MOB1B: variants seen among roughly 807,000 people sequenced by gnomAD.
MOB1B encodes the protein MOB kinase activator 1B.
MOB1B carries 19 observed loss-of-function variants against 24.4 expected under a neutral mutation model. The ratio of observed to expected loss-of-function variants is 0.78; its 90% CI spans 0.54 to 1.14. The LOEUF is 1.14. Among genes scored for constraint, MOB1B ranks in the 50% most tolerant of loss-of-function variants. The pLI is 0.00. For synonymous variants in MOB1B, 76 were observed against 82.1 expected (o/e 0.93, Z 0.40); for missense variants, 243 against 259.6 (o/e 0.94, Z 0.44).
chr4:70,904,172 G>T (rs1735645359), intron 1 of MOB1B, among the ~76,000 whole-genome samples: 1 of 150,734 alleles, frequency 6.6e-6, no homozygotes. Flanking sequence ...TAATAGAGAT[G>T]GGGGTTTCAC....
chr4:70,907,391 T>A (rs1578339353), intron 1 of MOB1B, among the ~76,000 whole-genome samples: 2 of 152,288 alleles, frequency 1.3e-5, no homozygotes, highest in Non-Finnish European at 2.9e-5. Flanking sequence ...CTAGCATTTT[T>A]AAATTATGGG....
At position 70,988,155 on chromosome 4, in the gene MOB1B, C is replaced by T. The variant is rs553963447; in HGVS notation, c.*6098C>T. On this transcript the variant is annotated 3_prime_UTR_variant, in exon 6 of 6. Coordinates refer to ENST00000309395, the MANE Select transcript of MOB1B (RefSeq NM_173468.4). Reference sequence around the variant, plus strand: ...TAAGAAAAAAATGAATAAATAGTTACGTTTGGCCATGAATCCTGACTTTGC... The same window carrying T: ...TAAGAAAAAAATGAATAAATAGTTATGTTTGGCCATGAATCCTGACTTTGC... 3 of 151,356 alleles carry T rather than the reference C, an allele frequency of 2.0e-5. No homozygotes were observed. Among genetic ancestry groups the T allele is most frequent in the South Asian group, 2.1e-4 (1 of 4,802 alleles). The allele number at this position is 151,356 out of a possible 1,614,324, so 9.4% of individuals were successfully genotyped here.
intron 2 of MOB1B, among the ~76,000 whole-genome samples, chr4:70,961,930 A>G (rs1355164639): frequency 6.6e-6 from 1 of 152,208 alleles, no homozygotes; most frequent in Non-Finnish European, 1.5e-5. Flanking sequence ...AATAATCCTG[A>G]AGAATATAAG....
chr4:70,950,878 T>A, intron 1 of MOB1B: 2 of 880,830 alleles, frequency 2.3e-6, no homozygotes, highest in Non-Finnish European at 3.6e-6. Flanking sequence ...GTTTCAGTAG[T>A]AAGGTAGGTA....
intron 3 of MOB1B, among the ~76,000 whole-genome samples, chr4:70,973,260 T>C (rs1279082276): frequency 6.6e-6 from 1 of 152,056 alleles, no homozygotes; most frequent in Non-Finnish European, 1.5e-5. Flanking sequence ...AGGTTAAAAA[T>C]GTTAAGATTT....
In MOB1B at chr4:70,950,550, G is replaced by C. The variant is rs1737760859; in HGVS notation, c.15-8324G>C. The stretch of plus-strand genomic sequence containing the variant: ...AGTATGTAAGTACTTTAAATCCTTA[G>C]ATTTGTCATCCATAAAATAAAGAAA... On this transcript the variant is annotated intron_variant, in intron 1 of 5. Transcript: ENST00000309395. 3.5e-5 allele frequency: 13 copies of C among 366,484 alleles called. No homozygotes were observed. The South Asian group carries it at 5.1e-4, about 14-fold the overall frequency. 22.7% of individuals were successfully genotyped at this position (366,484 alleles called of 1,614,324 possible).
At chr4:70,958,099 T>G (rs555514004) in intron 1 of MOB1B, among the ~76,000 whole-genome samples, 16 of 152,104 alleles carry the variant, frequency 1.1e-4, no homozygotes, top group Admixed American at 2.0e-4. Flanking sequence ...TAACCAGAAT[T>G]CTGGACTAAA....
At chr4:70,954,560 A>G (rs552944649) in intron 1 of MOB1B, among the ~76,000 whole-genome samples, 1 of 147,638 alleles carries the variant, frequency 6.8e-6, no homozygotes, top group Non-Finnish European at 1.5e-5. Context: ...GGTTCAAGCA[A>G]TTCTCCTGCC....
At chr4:70,966,052 A>T (rs1047612018) in intron 2 of MOB1B, among the ~76,000 whole-genome samples, 31 of 152,286 alleles carry the variant, frequency 2.0e-4, no homozygotes, top group African/African-American at 7.0e-4. Context: ...GGCTCTTACA[A>T]AGAATGGAAA....
rs560508184 is a variant in MOB1B at position 70,968,763 on chromosome 4, GA to G, written c.182-1167del. 5.3e-4 allele frequency among the ~76,000 whole-genome samples: 80 copies of G among 152,194 alleles called. 1 individual carries two copies. The highest frequency in any genetic ancestry group is 6.8e-3 in the Middle Eastern group (2 of 294). ...CTGAATGGTGTGGCTTGGACTGCAG[GA>G]GAGCACCACCATACTTGGCTAATTT... On this transcript the variant is annotated intron_variant, in intron 2 of 5. Transcript: ENST00000309395.
chr4:70,957,615 A>AT (rs1454922961), intron 1 of MOB1B, among the ~76,000 whole-genome samples: 3 of 151,604 alleles, frequency 2.0e-5, no homozygotes, highest in African/African-American at 7.3e-5. Flanking sequence ...ATTTTTAAAC[A>AT]TTTTTTTAGA....
chr4:70,936,129 G>T (rs139050868), intron 1 of MOB1B, among the ~76,000 whole-genome samples: 2,878 of 152,114 alleles, frequency 0.019, 50 homozygotes, highest in South Asian at 0.047. Context: ...GGGATTACAG[G>T]TGTGAGCCAC....
intron 1 of MOB1B, among the ~76,000 whole-genome samples, chr4:70,914,780 T>G (rs538216169): frequency 6.6e-6 from 1 of 152,126 alleles, no homozygotes; most frequent in South Asian, 2.1e-4. Flanking sequence ...CTACAGCTGT[T>G]CTCTTGACCC....
chr4:70,946,260 T>A (rs1254983719), intron 1 of MOB1B, among the ~76,000 whole-genome samples: 1 of 152,160 alleles, frequency 6.6e-6, no homozygotes, highest in Non-Finnish European at 1.5e-5. Context: ...GATGACAGAT[T>A]GATCCTTTTC....
At chr4:70,976,518 C>G (rs1183089030) in intron 4 of MOB1B, 14 of 984,726 alleles carry the variant, frequency 1.4e-5, no homozygotes, top group Middle Eastern at 5.2e-4. Flanking sequence ...AAATTGTTTA[C>G]GTTTAGATAG....
In MOB1B at chr4:70,958,903, C is replaced by T; in HGVS notation, c.44C>T (p.Pro15Leu). 6.2e-7 allele frequency: 1 copy of T among 1,612,226 alleles called. No homozygotes were observed. Among genetic ancestry groups the T allele is most frequent in the Non-Finnish European group, 8.5e-7 (1 of 1,179,604 alleles). Reference protein sequence around the residue: ...FGSRSSKTFKPKKNIPEGSHQ... With the variant: ...FGSRSSKTFKLKKNIPEGSHQ... The stretch of plus-strand genomic sequence containing the variant: ...AGTCGCTCTTCTAAAACTTTTAAAC[C>T]AAAGAAGAACATTCCAGAGGGTTCT... Residue 15 changes from proline (P) to leucine (L), a missense_variant, in exon 2 of 6, where the codon CCA becomes CTA. Transcript: ENST00000309395.
intron 1 of MOB1B, among the ~76,000 whole-genome samples, chr4:70,947,714 C>T (rs1002944070): frequency 6.6e-6 from 1 of 151,730 alleles, no homozygotes; most frequent in Non-Finnish European, 1.5e-5. Flanking sequence ...GCAGCCTCAA[C>T]ACCCCTAGGC....
intron 1 of MOB1B, among the ~76,000 whole-genome samples, chr4:70,956,222 A>G (rs560766071): frequency 6.6e-6 from 1 of 152,242 alleles, no homozygotes; most frequent in East Asian, 1.9e-4. Flanking sequence ...GCAGAGATGT[A>G]TCATAATCTA....
rs189561503 is a variant in MOB1B, at chr4:70,950,350, C to T, written c.15-8524C>T. 2.1e-3 allele frequency among the ~76,000 whole-genome samples: 321 copies of T among 149,664 alleles called. 1 individual carries two copies. The highest frequency in any genetic ancestry group is 7.2e-3 in the African/African-American group (292 of 40,412). ...ACTCAGGAGGCTGAGGCAGGAGAATCGCTTGAACCCAGGAGGCGGATGAGC... is the reference window on the plus strand; with the variant it reads ...ACTCAGGAGGCTGAGGCAGGAGAATTGCTTGAACCCAGGAGGCGGATGAGC... On this transcript the variant is annotated intron_variant, in intron 1 of 5. Transcript: ENST00000309395.
Sources: gnomAD v4.1 joint callset for allele counts (sites outside exome capture counted in the v4.1 genomes callset) on GRCh38, gnomAD v4.1.1 for gene constraint, MANE v1.5 for transcripts, NCBI Gene and HGNC (gene_info 2026-07-23, HGNC 2026-07-21) for gene names.